DOCK3: variants seen among roughly 807,000 people sequenced by gnomAD.
DOCK3 encodes the protein dedicator of cytokinesis protein 3.
Under a neutral mutation model 265.6 loss-of-function variants are expected in DOCK3, and 60 were observed. The observed-to-expected ratio is 0.23, with a 90% CI of 0.18 to 0.28. The LOEUF is 0.28. Among genes scored for constraint, DOCK3 ranks in the 10% least tolerant of loss-of-function variants. The probability of loss-of-function intolerance (pLI) is 1.00; values close to 1 mark genes in which losing one functional copy is unlikely to be tolerated. For missense variants in DOCK3, 1,981 were observed against 2,594.3 expected, an observed-to-expected ratio of 0.76 and a Z score of 5.14; for synonymous variants, 881 against 938.0, an observed-to-expected ratio of 0.94 and a Z score of 1.11.
intron 1 of DOCK3, among the ~76,000 whole-genome samples, chr3:50,682,307 C>A (rs1348247418): frequency 6.6e-6 from 1 of 152,204 alleles, no homozygotes; most frequent in African/African-American, 2.4e-5. Context: ...TTGTACTTAA[C>A]TCATAACTAG....
chr3:50,938,000 TATG>T (rs1201433222), intron 5 of DOCK3, among the ~76,000 whole-genome samples: 13 of 152,046 alleles, frequency 8.6e-5, no homozygotes, highest in Non-Finnish European at 1.5e-5. Context: ...CACTTGTCTA[TATG>T]ATGATGTAGG....
chr3:50,783,869 A>ATT (rs71631077), intron 2 of DOCK3, among the ~76,000 whole-genome samples: 48 of 134,430 alleles, frequency 3.6e-4, no homozygotes, highest in Non-Finnish European at 4.4e-4. Flanking sequence ...TCTTGAGTTG[A>ATT]TTTTTTTTTT....
chr3:51,000,077 T>G (rs908878721), intron 5 of DOCK3, among the ~76,000 whole-genome samples: 7 of 152,206 alleles, frequency 4.6e-5, no homozygotes, highest in African/African-American at 1.7e-4. Flanking sequence ...AGCATGTATA[T>G]GGCTTTCTAA....
intron 33 of DOCK3, among the ~76,000 whole-genome samples, chr3:51,331,295 C>T (rs2084501521): frequency 6.6e-6 from 1 of 152,248 alleles, no homozygotes; most frequent in East Asian, 1.9e-4. Context: ...TAAATAATTA[C>T]AATTTGTGAA....
At chr3:50,787,182 T>G in intron 2 of DOCK3, 1 of 634,334 alleles carries the variant, frequency 1.6e-6, no homozygotes, top group Non-Finnish European at 2.9e-6. Flanking sequence ...GACAAACTTA[T>G]TGCCACATTT....
chr3:50,720,115 AG>A (rs1340165198), intron 1 of DOCK3, among the ~76,000 whole-genome samples: 3 of 152,188 alleles, frequency 2.0e-5, no homozygotes, highest in African/African-American at 7.2e-5. Flanking sequence ...TAACATAGAA[AG>A]GTGTTACCTG....
chr3:50,756,757 A>G (rs1447862361), intron 1 of DOCK3, among the ~76,000 whole-genome samples: 1 of 152,090 alleles, frequency 6.6e-6, no homozygotes, highest in Non-Finnish European at 1.5e-5. Flanking sequence ...TGTGGTTTTG[A>G]TTAGCATTTC....
intron 27 of DOCK3, among the ~76,000 whole-genome samples, chr3:51,305,723 T>C (rs1222536943): frequency 4.1e-5 from 2 of 48,808 alleles, no homozygotes; most frequent in Non-Finnish European, 8.2e-5. Context: ...TGTCTGTGTG[T>C]GTGTGTGTGC....
intron 9 of DOCK3, among the ~76,000 whole-genome samples, chr3:51,138,359 T>G (rs2084903187): frequency 6.6e-6 from 1 of 152,104 alleles, no homozygotes; most frequent in South Asian, 2.1e-4. Flanking sequence ...GATAGATAAA[T>G]GAAATAATTT....
chr3:51,160,566 C>T lies in DOCK3; in HGVS notation c.901C>T (p.Leu301=). ...AHVIRIGRML[L]NDSKKGPPHL... is the part of the protein sequence containing the mutation. ...CTGCTGTGCCCAAGGCCGGATGCTCCTGAACGACTCAAAGAAAGGTCCTCC... is the reference window on the plus strand; with the variant it reads ...CTGCTGTGCCCAAGGCCGGATGCTCTTGAACGACTCAAAGAAAGGTCCTCC... Residue 301 remains leucine (L), a synonymous_variant, in exon 12 of 53, where the codon CTG becomes TTG. Coordinates refer to ENST00000266037, the MANE Select transcript of DOCK3 (RefSeq NM_004947.5). 6.2e-7 allele frequency: 1 copy of T among 1,611,564 alleles called. No individual in the cohort carries two copies. The highest frequency in any genetic ancestry group is 8.5e-7 in the Non-Finnish European group (1 of 1,178,920).
intron 6 of DOCK3, among the ~76,000 whole-genome samples, chr3:51,066,791 T>A (rs2081605620): frequency 6.6e-6 from 1 of 152,222 alleles, no homozygotes; most frequent in Non-Finnish European, 1.5e-5. Context: ...AAATTCGTTG[T>A]TTGTGACCTT....
intron 5 of DOCK3, among the ~76,000 whole-genome samples, chr3:50,969,836 C>G (rs371590290): frequency 1.3e-5 from 2 of 152,206 alleles, no homozygotes; most frequent in Middle Eastern, 3.4e-3. Context: ...CTTTGGGAGG[C>G]CGAGGTGGGC....
At chr3:51,181,407 G>A (rs1459511086) in intron 12 of DOCK3, among the ~76,000 whole-genome samples, 2 of 151,050 alleles carry the variant, frequency 1.3e-5, no homozygotes, top group South Asian at 2.1e-4. Flanking sequence ...TTGTTCTTGC[G>A]ATAGTTTGCT....
chr3:50,889,878 A>C (rs763364343), intron 3 of DOCK3, 148 bp from the exon 4 acceptor site: 4 of 514,408 alleles, frequency 7.8e-6, no homozygotes, highest in Non-Finnish European at 1.3e-5. Flanking sequence ...TATACTTTGT[A>C]CAGCTCTGCA....
intron 29 of DOCK3, 37 bp from the exon 30 acceptor site, chr3:51,312,439 T>C (rs1470669460): frequency 6.4e-7 from 1 of 1,572,210 alleles, no homozygotes. Context: ...GATTAAGTTC[T>C]TAGACTGTCA....
At chr3:51,078,057 A>G (rs2082111016) in intron 7 of DOCK3, among the ~76,000 whole-genome samples, 1 of 135,890 alleles carries the variant, frequency 7.4e-6, no homozygotes, top group African/African-American at 2.7e-5. Flanking sequence ...GAATCTTGAA[A>G]AAAGAGAGAG....
chr3:51,147,814 T>C (rs2085375871), intron 10 of DOCK3, among the ~76,000 whole-genome samples: 1 of 152,216 alleles, frequency 6.6e-6, no homozygotes, highest in African/African-American at 2.4e-5. Flanking sequence ...TCTCCATGTG[T>C]CTTAATAGTA....
At chr3:51,106,772 A>T (rs542209806) in intron 9 of DOCK3, among the ~76,000 whole-genome samples, 1 of 152,260 alleles carries the variant, frequency 6.6e-6, no homozygotes, top group Admixed American at 6.5e-5. Flanking sequence ...ATAGTCACTA[A>T]TAGGAGGGGG....
chr3:50,868,901 GT>G (rs147898866), intron 3 of DOCK3, among the ~76,000 whole-genome samples: 103 of 14,298 alleles, frequency 7.2e-3, no homozygotes, highest in East Asian at 0.054. Flanking sequence ...TGGATAATCT[GT>G]TTTTTTTTTT....
Sources: allele counts gnomAD v4.1 joint callset (sites outside exome capture counted in the v4.1 genomes callset), GRCh38; gene constraint gnomAD v4.1.1; transcripts MANE v1.5; gene names NCBI Gene and HGNC (gene_info 2026-07-23, HGNC 2026-07-21).